ARHGAP6: variants seen among roughly 807,000 people sequenced by gnomAD.
ARHGAP6 encodes Rho GTPase activating protein 6.
Under a neutral mutation model 55.7 loss-of-function variants are expected in ARHGAP6, and 16 were observed. The observed-to-expected ratio is 0.29, with a 90% CI of 0.19 to 0.44. The LOEUF (loss-of-function observed/expected upper bound fraction) is 0.44, where lower values mean the gene tolerates loss of function less well. Ranked by LOEUF, ARHGAP6 falls within the 20% of genes least tolerant of loss-of-function variation. The pLI is 1.00. For synonymous variants in ARHGAP6, 382 were observed against 360.9 expected, an observed-to-expected ratio of 1.06 and a Z score of -0.66; for missense variants, 698 against 808.9, an observed-to-expected ratio of 0.86 and a Z score of 1.66.
At chrX:11,400,692 T>C (rs1213526907) in intron 1 of ARHGAP6, among the ~76,000 whole-genome samples, 2 of 111,327 alleles carry the variant, frequency 1.8e-5, no homozygotes, top group East Asian at 5.6e-4. Context: ...ATCCTAGATA[T>C]CCTATCTTTC....
intron 1 of ARHGAP6, among the ~76,000 whole-genome samples, chrX:11,399,354 CAAAA>C (rs56197001): frequency 5.7e-5 from 2 of 35,336 alleles, no homozygotes; most frequent in African/African-American, 1.1e-4. Context: ...AATAAGCAAT[CAAAA>C]AAAAAAAAAA....
At chrX:11,366,718 G>A (rs936765518) in intron 1 of ARHGAP6, among the ~76,000 whole-genome samples, 4 of 111,860 alleles carry the variant, frequency 3.6e-5, no homozygotes, top group Admixed American at 1.9e-4. Context: ...GTCTTGCATG[G>A]GGTGGTGTTC....
intron 1 of ARHGAP6, among the ~76,000 whole-genome samples, chrX:11,476,017 A>G (rs1346528113): frequency 2.7e-5 from 3 of 111,629 alleles, no homozygotes; most frequent in African/African-American, 9.7e-5. Context: ...GAGATTGAAT[A>G]AGATATCTGA....
In ARHGAP6 at chrX:11,138,657, T is replaced by C. The variant is rs2045576568; in HGVS notation, c.*206A>G. On this transcript the variant is annotated 3_prime_UTR_variant, in exon 13 of 13. Coordinates refer to ENST00000337414, the MANE Select transcript of ARHGAP6 (RefSeq NM_013427.3). The stretch of plus-strand genomic sequence containing the variant: ...ATCTGGTTTGGGTTCTGTTTGTTTT[T>C]CCTAAGGCTGGCTACGCAATGGAAC... The C allele has an allele frequency of 6.6e-6, 3 of 455,625 alleles. No individual in the cohort carries two copies. In the African/African-American group the frequency reaches 7.4e-5, roughly 11 times the overall value. The allele number at this position is 455,625 out of a possible 1,213,427, so 37.5% of individuals were successfully genotyped here.
intron 1 of ARHGAP6, among the ~76,000 whole-genome samples, chrX:11,461,946 G>A (rs1441758550): frequency 2.7e-5 from 3 of 111,982 alleles, no homozygotes; most frequent in Non-Finnish European, 3.8e-5. Flanking sequence ...AGGGCTAGGA[G>A]GGAGGCTGAA....
At chrX:11,393,666 T>C (rs1025139395) in intron 1 of ARHGAP6, among the ~76,000 whole-genome samples, 3 of 111,344 alleles carry the variant, frequency 2.7e-5, no homozygotes, top group Non-Finnish European at 3.8e-5. Flanking sequence ...AATGATTCTC[T>C]GAGGTAGTGT....
At position 11,186,451 on chromosome X, in the gene ARHGAP6, G is replaced by A. The variant is rs200062004; in HGVS notation, c.1078-20C>T. The A allele has an allele frequency of 6.7e-4, 799 of 1,191,096 alleles. No homozygotes were observed. The highest frequency in any genetic ancestry group is 7.3e-4 in the Non-Finnish European group (640 of 881,632). On this transcript the variant is annotated intron_variant, in intron 4 of 12. Coordinates refer to ENST00000337414, the MANE Select transcript of ARHGAP6 (RefSeq NM_013427.3). ...GGCACCCTGCAAGTGACACAGAGCC[G>A]TGAACATAAAGTACAGATAGCCAAA... is the stretch of plus-strand genomic sequence containing the variant.
Position 11,500,206 on chromosome X carries a change from G to A in ARHGAP6, c.588+164035C>T, listed in dbSNP as rs1243927300. On this transcript the variant is annotated intron_variant, in intron 1 of 12. Coordinates refer to ENST00000337414, the MANE Select transcript of ARHGAP6 (RefSeq NM_013427.3). ...TATTTATGGACCCTTCCTTTCTTTG[G>A]AAGGTACTTCCCAAGTCACTTGGTC... Among the ~76,000 whole-genome samples the A allele has an allele frequency of 4.5e-5, 5 of 111,082 alleles. No individual in the cohort carries two copies. In the Admixed American group the frequency reaches 4.8e-4, roughly 11 times the overall value.
chrX:11,529,229 C>A (rs2051022696), intron 1 of ARHGAP6, among the ~76,000 whole-genome samples: 1 of 111,977 alleles, frequency 8.9e-6, no homozygotes, highest in Admixed American at 9.5e-5. Context: ...AAGCTAAATT[C>A]TCAGTGTTCC....
In ARHGAP6 at chrX:11,265,873, T is replaced by C. The variant is rs1265154913; in HGVS notation, c.589-11166A>G. ...ATAGCTGTGACTCCCACGATACCTTTTGTTGCCAGAGACCTCCGCTACTGT... is the reference window on the plus strand; with the variant it reads ...ATAGCTGTGACTCCCACGATACCTTCTGTTGCCAGAGACCTCCGCTACTGT... On this transcript the variant is annotated intron_variant, in intron 1 of 12. Transcript: ENST00000337414. The C allele has an allele frequency of 4.2e-6, 4 of 949,780 alleles. No homozygotes were observed. The South Asian group carries it at 8.7e-5, about 21-fold the overall frequency. The allele number at this position is 949,780 out of a possible 1,213,427, so 78.3% of individuals were successfully genotyped here. A position where few individuals can be genotyped will look rare whatever the true frequency, so the allele number is the denominator to read the frequency against.
chrX:11,335,026 A>G, intron 1 of ARHGAP6: 1 of 131,183 alleles, frequency 7.6e-6, no homozygotes, highest in Non-Finnish European at 1.6e-5. Context: ...GGTGGTTTGG[A>G]CAGAGACATC....
chrX:11,545,597 A>G (rs2051204388), intron 1 of ARHGAP6, among the ~76,000 whole-genome samples: 2 of 111,982 alleles, frequency 1.8e-5, no homozygotes, highest in African/African-American at 6.5e-5. Flanking sequence ...TCCTCACTCT[A>G]TCCTTTATTT....
chrX:11,615,107 A>G (rs1321116444), intron 1 of ARHGAP6, among the ~76,000 whole-genome samples: 1 of 110,677 alleles, frequency 9.0e-6, no homozygotes, highest in Non-Finnish European at 1.9e-5. Flanking sequence ...TAGGGAGACT[A>G]TACTCCTATG....
At chrX:11,620,658 T>C (rs971901055) in intron 1 of ARHGAP6, among the ~76,000 whole-genome samples, 2 of 112,327 alleles carry the variant, frequency 1.8e-5, no homozygotes, top group African/African-American at 6.5e-5. Flanking sequence ...ACATTGCCAA[T>C]TGACTCCAGG....
rs765037521 is a variant in ARHGAP6 at position 11,636,507 on chromosome X, A to C, written c.588+27734T>G. ...CAAGATACTACAGTAGGTACTAGGA[A>C]GGCTCCTAAAGCTTCCCGGTAACAA... On this transcript the variant is annotated intron_variant, in intron 1 of 12. Transcript: ENST00000337414. Among the ~76,000 whole-genome samples, 2 of 111,300 alleles carry C rather than the reference A, an allele frequency of 1.8e-5. 1 individual carries two copies. Among genetic ancestry groups the C allele is most frequent in the African/African-American group, 6.5e-5 (2 of 30,754 alleles).
At chrX:11,217,805 G>A (rs2046903865) in intron 2 of ARHGAP6, among the ~76,000 whole-genome samples, 2 of 111,739 alleles carry the variant, frequency 1.8e-5, no homozygotes, top group African/African-American at 6.5e-5. Context: ...TGTCCTGAAT[G>A]GTATTGCCTA....
intron 1 of ARHGAP6, among the ~76,000 whole-genome samples, chrX:11,336,696 T>C (rs2048641839): frequency 8.9e-6 from 1 of 111,802 alleles, no homozygotes; most frequent in Non-Finnish European, 1.9e-5. Context: ...ATCTTGGACA[T>C]ATAAAAATGG....
At chrX:11,644,816 A>G (rs995690443) in intron 1 of ARHGAP6, among the ~76,000 whole-genome samples, 1 of 111,909 alleles carries the variant, frequency 8.9e-6, no homozygotes, top group African/African-American at 3.2e-5. Flanking sequence ...CACTCACTAT[A>G]TGACACAGCA....
chrX:11,617,898 C>T, intron 1 of ARHGAP6, among the ~76,000 whole-genome samples: 1 of 111,010 alleles, frequency 9.0e-6, no homozygotes, highest in Non-Finnish European at 1.9e-5. Context: ...TGTGGTTGAC[C>T]CCATTTCTCA....
Sources: gnomAD v4.1 joint callset for allele counts (sites outside exome capture counted in the v4.1 genomes callset) on GRCh38, gnomAD v4.1.1 for gene constraint, MANE v1.5 for transcripts, NCBI Gene and HGNC (gene_info 2026-07-23, HGNC 2026-07-21) for gene names.